The following PLEKHM3 variants were observed in gnomAD, a reference collection of about 807,000 sequenced individuals.
PLEKHM3 encodes the protein pleckstrin homology domain-containing family M member 3.
Under a neutral mutation model 81.8 loss-of-function variants are expected in PLEKHM3, and 45 were observed. The observed-to-expected ratio is 0.55, with a 90% CI of 0.43 to 0.71. The LOEUF is 0.71. Ranked by LOEUF, PLEKHM3 falls within the 30% of genes least tolerant of loss-of-function variation. PLEKHM3 has a pLI of 0.00. For missense variants in PLEKHM3, 788 were observed against 924.3 expected (o/e 0.85, Z 1.91); for synonymous variants, 352 against 356.4 (o/e 0.99, Z 0.14).
Position 208,021,140 on chromosome 2 carries a change from A to G in PLEKHM3, c.-319+4249T>C, listed in dbSNP as rs543792425. On this transcript the variant is annotated intron_variant, in intron 1 of 7. Transcript: ENST00000427836. ...CAAGTATCTCATAAATATTCAGTAA[A>G]TATCAGCCTTGGATGTTTTTTAATG... is the stretch of plus-strand genomic sequence containing the variant. Among the ~76,000 whole-genome samples the G allele has an allele frequency of 2.0e-5, 3 of 152,362 alleles. No individual in the cohort carries two copies. In the South Asian group the frequency reaches 6.2e-4, roughly 32 times the overall value.
In PLEKHM3 at chr2:207,930,906, C is replaced by T. The variant is rs758298810; in HGVS notation, c.1886+20G>A. ...GGAAAGAAAAACAAACGGGAGCCGT[C>T]TGAGATTTATGACTCTTACCTGCGG... On this transcript the variant is annotated intron_variant, in intron 5 of 7. Coordinates refer to ENST00000427836, the MANE Select transcript of PLEKHM3 (RefSeq NM_001080475.3). 2.5e-6 allele frequency: 4 copies of T among 1,607,470 alleles called. No individual in the cohort carries two copies. The South Asian group carries it at 4.4e-5, about 18-fold the overall frequency.
rs112649323 is a variant in PLEKHM3 at position 207,862,714 on chromosome 2, A to G, written c.1951-1452T>C. On this transcript the variant is annotated intron_variant, in intron 6 of 7. Transcript: ENST00000427836. ...AAATCATACCTAAAGAGAAATTACA[A>G]TGTCCAGGTGAGTAGGTAGTAGTGA... Among the ~76,000 whole-genome samples the G allele has an allele frequency of 2.0e-5, 3 of 152,362 alleles. 1 individual carries two copies. Among genetic ancestry groups the G allele is most frequent in the Admixed American group, 6.5e-5 (1 of 15,304 alleles).
At chr2:207,834,487 G>A (rs1167917158) in intron 7 of PLEKHM3, among the ~76,000 whole-genome samples, 1 of 140,636 alleles carries the variant, frequency 7.1e-6, no homozygotes, top group East Asian at 2.1e-4. Context: ...GTACAATGGC[G>A]CAATCTCGGC....
chr2:207,941,391 C>T (rs1308187168), intron 4 of PLEKHM3, among the ~76,000 whole-genome samples: 1 of 152,184 alleles, frequency 6.6e-6, no homozygotes, highest in African/African-American at 2.4e-5. Flanking sequence ...ACAGTCTCTT[C>T]AGTAAATGGT....
In PLEKHM3 at chr2:207,946,500, G is replaced by A. The variant is rs778163992; in HGVS notation, c.1559C>T (p.Ser520Phe). 6.2e-7 allele frequency: 1 copy of A among 1,613,984 alleles called. No individual in the cohort carries two copies. The highest frequency in any genetic ancestry group is 1.1e-5 in the South Asian group (1 of 91,042). Residue 520 changes from serine (S) to phenylalanine (F), a missense_variant, in exon 4 of 8, where the codon TCC becomes TTC. By Grantham distance (155) the Ser-to-Phe change is radical. Coordinates refer to ENST00000427836, the MANE Select transcript of PLEKHM3 (RefSeq NM_001080475.3). ...GGCTTTCCCATTGGAAAGACCTATG[G>A]ATCGCTGGCAGCCTGTTCAAGGAAA... ...QSFKCAGCQR[S>F]IGLSNGKAKV... is the part of the protein sequence containing the mutation.
At chr2:208,011,946 G>A (rs918546681) in intron 1 of PLEKHM3, among the ~76,000 whole-genome samples, 9 of 151,878 alleles carry the variant, frequency 5.9e-5, no homozygotes, top group Non-Finnish European at 1.0e-4. Flanking sequence ...ACAGGTGTCC[G>A]CCACCAGGCC....
intron 6 of PLEKHM3, among the ~76,000 whole-genome samples, chr2:207,887,058 C>T (rs1687905272): frequency 6.6e-6 from 1 of 152,132 alleles, no homozygotes; most frequent in South Asian, 2.1e-4. Flanking sequence ...GAACAGTAAA[C>T]AGCATATATT....
chr2:207,839,153 C>A (rs1481524353), intron 7 of PLEKHM3, among the ~76,000 whole-genome samples: 1 of 152,118 alleles, frequency 6.6e-6, no homozygotes, highest in African/African-American at 2.4e-5. Context: ...ACCTAAGACT[C>A]TGAATGGGAC....
intron 4 of PLEKHM3, among the ~76,000 whole-genome samples, chr2:207,944,677 C>T (rs1199599896): frequency 6.6e-6 from 1 of 152,118 alleles, no homozygotes; most frequent in Non-Finnish European, 1.5e-5. Flanking sequence ...AACAAGCTTC[C>T]AACATCACAT....
intron 5 of PLEKHM3, among the ~76,000 whole-genome samples, chr2:207,915,455 G>A (rs1401183530): frequency 1.3e-5 from 2 of 152,104 alleles, no homozygotes; most frequent in Non-Finnish European, 2.9e-5. Flanking sequence ...AAGCCCCAGT[G>A]CTCACGAGAA....
intron 7 of PLEKHM3, among the ~76,000 whole-genome samples, chr2:207,860,151 C>CTGTGTGTGTGTGTGTGTGTGTGTG (rs55739776): frequency 8.1e-4 from 90 of 110,754 alleles, no homozygotes; most frequent in Middle Eastern, 4.7e-3. Flanking sequence ...AACTCTGCCT[C>CTGTGTGTGTGTGTGTGTGTGTGTG]TGTGTGTGTG....
intron 3 of PLEKHM3, among the ~76,000 whole-genome samples, chr2:207,951,220 A>AT (rs1004426715): frequency 5.3e-5 from 8 of 152,178 alleles, no homozygotes; most frequent in Non-Finnish European, 1.5e-5. Context: ...ACAAAAAACC[A>AT]TTTTTTTAGA....
At chr2:207,948,833 G>A (rs1690234220) in intron 3 of PLEKHM3, among the ~76,000 whole-genome samples, 1 of 151,796 alleles carries the variant, frequency 6.6e-6, no homozygotes. Context: ...GTGAGCCACC[G>A]CGCCTGGCCA....
At chr2:207,867,439 T>G (rs1001332968) in intron 6 of PLEKHM3, among the ~76,000 whole-genome samples, 3 of 152,198 alleles carry the variant, frequency 2.0e-5, no homozygotes, top group Non-Finnish European at 2.9e-5. Flanking sequence ...AAGGAAAACC[T>G]TACATTTATA....
At chr2:207,922,459 C>T (rs1212951090) in intron 5 of PLEKHM3, among the ~76,000 whole-genome samples, 1 of 152,164 alleles carries the variant, frequency 6.6e-6, no homozygotes, top group African/African-American at 2.4e-5. Flanking sequence ...ACAATCATGG[C>T]CTTTAAGGGC....
At chr2:207,918,339 G>A (rs1381375220) in intron 5 of PLEKHM3, among the ~76,000 whole-genome samples, 2 of 152,108 alleles carry the variant, frequency 1.3e-5, no homozygotes, top group African/African-American at 2.4e-5. Flanking sequence ...TGGCTAACAC[G>A]GTGAAACCCC....
Position 207,908,494 on chromosome 2 carries a change from C to G in PLEKHM3, c.1950+20G>C, listed in dbSNP as rs371673619. ...CTCCAGGAAAGCAACAAAAATGAAA[C>G]AGCCCCTCTGAGCACTTACCTGCTG... On this transcript the variant is annotated intron_variant, in intron 6 of 7. Coordinates refer to ENST00000427836, the MANE Select transcript of PLEKHM3 (RefSeq NM_001080475.3). The G allele has an allele frequency of 3.1e-6, 5 of 1,600,436 alleles. No individual in the cohort carries two copies. Among genetic ancestry groups the G allele is most frequent in the Non-Finnish European group, 4.3e-6 (5 of 1,172,694 alleles).
intron 6 of PLEKHM3, among the ~76,000 whole-genome samples, chr2:207,870,756 A>G (rs1386712054): frequency 1.3e-5 from 2 of 152,236 alleles, no homozygotes; most frequent in South Asian, 2.1e-4. Flanking sequence ...TCACGAGACT[A>G]TTCTGAATCC....
intron 6 of PLEKHM3, chr2:207,901,293 C>T (rs1559228176): frequency 1.4e-6 from 1 of 703,044 alleles, no homozygotes; most frequent in Non-Finnish European, 2.6e-6. Flanking sequence ...TTAGATTTGG[C>T]TGTAGTGCCT....
Sources: gnomAD v4.1 joint callset for allele counts (sites outside exome capture counted in the v4.1 genomes callset) on GRCh38, gnomAD v4.1.1 for gene constraint, MANE v1.5 for transcripts, NCBI Gene and HGNC (gene_info 2026-07-23, HGNC 2026-07-21) for gene names.